Variants in CCND3 observed in about 807,000 individuals in gnomAD.
CCND3 encodes G1/S-specific cyclin-D3.
A neutral mutation model predicts 28.7 loss-of-function variants in CCND3; 9 were observed. That is an observed-to-expected ratio of 0.31 (90% CI 0.19 to 0.55). The LOEUF is 0.55. Ranked by LOEUF, CCND3 falls within the 20% of genes least tolerant of loss-of-function variation. The probability of loss-of-function intolerance (pLI) is 0.93; values close to 1 mark genes in which losing one functional copy is unlikely to be tolerated. For synonymous variants in CCND3, 164 were observed against 163.9 expected (o/e 1.00, Z 0.00); for missense variants, 315 against 385.8 (o/e 0.82, Z 1.54).
At chr6:41,965,766 G>C (rs541168942) in intron 1 of CCND3, among the ~76,000 whole-genome samples, 1 of 152,212 alleles carries the variant, frequency 6.6e-6, no homozygotes, top group East Asian at 1.9e-4. Flanking sequence ...CCACCCCAAA[G>C]GACACATTCT....
intron 1 of CCND3, among the ~76,000 whole-genome samples, chr6:41,999,628 C>T (rs955022981): frequency 6.6e-6 from 1 of 152,140 alleles, no homozygotes; most frequent in African/African-American, 2.4e-5. Flanking sequence ...TGGCTCATGG[C>T]TCACACCTAT....
chr6:41,936,989 T>A lies in CCND3; in HGVS notation c.574+246A>T. The A allele has an allele frequency of 1.7e-6, 1 of 599,758 alleles. No homozygotes were observed. The highest frequency in any genetic ancestry group is 2.0e-5 in the South Asian group (1 of 49,352). 37.2% of individuals were successfully genotyped at this position (599,758 alleles called of 1,614,324 possible). A position where few individuals can be genotyped will look rare whatever the true frequency, so the allele number is the denominator to read the frequency against. Reference sequence around the variant, plus strand: ...GACTGGGGTTCTGTTCCCAACCTGTTCACTGTGAGACCTTGGGCAAGTCAC... The same window carrying A: ...GACTGGGGTTCTGTTCCCAACCTGTACACTGTGAGACCTTGGGCAAGTCAC... On this transcript the variant is annotated intron_variant, in intron 3 of 4. Coordinates refer to ENST00000372991, the MANE Select transcript of CCND3 (RefSeq NM_001760.5). The surrounding 1 kb of genome is among the most constrained non-coding windows in gnomAD (Gnocchi z 4.4).
At chr6:42,002,439 C>CAAA (rs57696991) in intron 1 of CCND3, among the ~76,000 whole-genome samples, 18 of 140,340 alleles carry the variant, frequency 1.3e-4, no homozygotes, top group Middle Eastern at 3.7e-3. Context: ...GACTCCATCT[C>CAAA]AAAAAAAAAA....
At chr6:42,009,371 G>A (rs1297248409) in intron 1 of CCND3, among the ~76,000 whole-genome samples, 2 of 152,186 alleles carry the variant, frequency 1.3e-5, no homozygotes, top group African/African-American at 4.8e-5. Context: ...CAGGGCTTTG[G>A]GAGGCCGAGG....
At chr6:42,031,895 T>G (rs990232970) in intron 1 of CCND3, among the ~76,000 whole-genome samples, 1 of 151,286 alleles carries the variant, frequency 6.6e-6, no homozygotes, top group Non-Finnish European at 1.5e-5. Context: ...GTTCAAGCGA[T>G]TCTCCTGCCC....
chr6:41,972,507 A>AC (rs1344243399), intron 1 of CCND3, among the ~76,000 whole-genome samples: 1 of 152,084 alleles, frequency 6.6e-6, no homozygotes, highest in Non-Finnish European at 1.5e-5. Context: ...CGGTTATGTG[A>AC]CCTTGGACAC....
At chr6:41,976,127 G>A (rs892974814) in intron 1 of CCND3, among the ~76,000 whole-genome samples, 13 of 152,082 alleles carry the variant, frequency 8.5e-5, no homozygotes, top group African/African-American at 2.7e-4. Context: ...TGAGGTGGGC[G>A]GATCACCTGA....
chr6:41,986,375 A>C (rs554271029), intron 1 of CCND3, among the ~76,000 whole-genome samples: 1,136 of 5,196 alleles, frequency 0.22, 22 homozygotes, highest in Middle Eastern at 0.5. Flanking sequence ...GGTAATAATT[A>C]ATTTAAACAT....
chr6:42,019,095 T>C (rs1763619788), intron 1 of CCND3, among the ~76,000 whole-genome samples: 1 of 152,148 alleles, frequency 6.6e-6, no homozygotes, highest in African/African-American at 2.4e-5. Flanking sequence ...TGTTATAAAA[T>C]TGCAATCTAT....
chr6:42,010,993 C>T (rs1319209809), intron 1 of CCND3: 1 of 152,040 alleles, frequency 6.6e-6, no homozygotes, highest in African/African-American at 2.4e-5. Flanking sequence ...AGGAGTTCAT[C>T]CAAGCAGTCA....
chr6:42,026,030 CG>C (rs1561993265), intron 1 of CCND3, among the ~76,000 whole-genome samples: 1 of 152,200 alleles, frequency 6.6e-6, no homozygotes, highest in Non-Finnish European at 1.5e-5. Context: ...AGCTCTACTA[CG>C]TATGTTCCCC....
intron 1 of CCND3, among the ~76,000 whole-genome samples, chr6:41,976,287 G>C (rs908017537): frequency 6.6e-6 from 1 of 152,046 alleles, no homozygotes; most frequent in Admixed American, 6.6e-5. Context: ...GGGAGGTGGA[G>C]GTTGCAGCGA....
At chr6:42,032,091 G>A (rs1004714615) in intron 1 of CCND3, among the ~76,000 whole-genome samples, 6 of 151,716 alleles carry the variant, frequency 4.0e-5, no homozygotes, top group Non-Finnish European at 5.9e-5. Context: ...GCACCTGGCC[G>A]ACTCTTTTTT....
At chr6:41,950,367 T>C (rs988717476) in intron 1 of CCND3, among the ~76,000 whole-genome samples, 1 of 152,122 alleles carries the variant, frequency 6.6e-6, no homozygotes, top group Non-Finnish European at 1.5e-5. Context: ...TAGTTTGGCT[T>C]AGTCATTAAG....
chr6:41,976,407 C>T (rs929302545), intron 1 of CCND3, among the ~76,000 whole-genome samples: 1 of 152,020 alleles, frequency 6.6e-6, no homozygotes, highest in African/African-American at 2.4e-5. Flanking sequence ...ATTCCAGATA[C>T]TCTGGGGCTT....
intron 1 of CCND3, among the ~76,000 whole-genome samples, chr6:42,039,420 G>A (rs1764307589): frequency 6.6e-6 from 1 of 152,152 alleles, no homozygotes; most frequent in African/African-American, 2.4e-5. Context: ...CTCTGGACAG[G>A]GTATGTGGCA....
intron 1 of CCND3, among the ~76,000 whole-genome samples, chr6:42,045,240 C>T (rs958200101): frequency 5.3e-5 from 8 of 152,132 alleles, no homozygotes; most frequent in African/African-American, 1.9e-4. Context: ...TTAGGAAAGT[C>T]AATGCTCAGA....
At chr6:42,027,345 C>T (rs1763905987) in intron 1 of CCND3, among the ~76,000 whole-genome samples, 1 of 151,546 alleles carries the variant, frequency 6.6e-6, no homozygotes, top group South Asian at 2.1e-4. Flanking sequence ...TAGGCTGAGG[C>T]AGGAGAATGG....
rs1157064395 is a variant in CCND3 at position 41,967,477 on chromosome 6, G to A, written c.-45-26892C>T. On this transcript the variant is annotated intron_variant, in intron 1 of 4. Transcript: ENST00000372988. Reference sequence around the variant, plus strand: ...GATTTCTTCATCTATAAAAGGAGCTGGGCCAGGACATATCAGCAAGTTCCT... The same window carrying A: ...GATTTCTTCATCTATAAAAGGAGCTAGGCCAGGACATATCAGCAAGTTCCT... Among the ~76,000 whole-genome samples, 2 of 152,296 alleles carry A rather than the reference G, an allele frequency of 1.3e-5. 1 individual carries two copies. The highest frequency in any genetic ancestry group is 4.1e-4 in the South Asian group (2 of 4,830).
Sources: gnomAD v4.1 joint callset for allele counts (sites outside exome capture counted in the v4.1 genomes callset) on GRCh38, gnomAD v4.1.1 for gene constraint, Gnocchi (gnomAD v3.1) non-coding constraint, MANE v1.5 for transcripts, NCBI Gene and HGNC (gene_info 2026-07-23, HGNC 2026-07-21) for gene names.